DPP6: variants seen among roughly 807,000 people sequenced by gnomAD.
DPP6 encodes A-type potassium channel modulatory protein DPP6.
Under a neutral mutation model 122.6 loss-of-function variants are expected in DPP6, and 69 were observed. The ratio of observed to expected loss-of-function variants is 0.56; its 90% CI spans 0.46 to 0.69. DPP6 has a LOEUF of 0.69. Among genes scored for constraint, DPP6 ranks in the 30% least tolerant of loss-of-function variants. The pLI is 0.00. For missense variants in DPP6, 928 were observed against 1,116.9 expected (o/e 0.83, Z 2.41); for synonymous variants, 418 against 433.1 (o/e 0.97, Z 0.43).
At chr7:154,337,832 G>A (rs1200515151) in intron 1 of DPP6, among the ~76,000 whole-genome samples, 1 of 152,216 alleles carries the variant, frequency 6.6e-6, no homozygotes, top group African/African-American at 2.4e-5. Flanking sequence ...CTCTAAGGTA[G>A]TTGCAGTTTG....
At chr7:154,546,255 AC>A (rs1301913704) in intron 4 of DPP6, among the ~76,000 whole-genome samples, 1 of 152,188 alleles carries the variant, frequency 6.6e-6, no homozygotes, top group Non-Finnish European at 1.5e-5. Context: ...GAAAGTGAAC[AC>A]TGAACTATGA....
chr7:154,489,186 A>G (rs1224418302), intron 3 of DPP6, among the ~76,000 whole-genome samples: 1 of 152,176 alleles, frequency 6.6e-6, no homozygotes, highest in East Asian at 1.9e-4. Context: ...CTTCTATCAC[A>G]GAACTTTTCC....
At chr7:153,886,228 C>G (rs1253245237), upstream of DPP6, among the ~76,000 whole-genome samples, 1 of 152,032 alleles carries the variant, frequency 6.6e-6, no homozygotes, top group Non-Finnish European at 1.5e-5. Context: ...TTTGACCAAC[C>G]TCTGCGCGCG....
chr7:154,387,367 G>A (rs1814211030), intron 1 of DPP6, among the ~76,000 whole-genome samples: 1 of 152,178 alleles, frequency 6.6e-6, no homozygotes, highest in African/African-American at 2.4e-5. Flanking sequence ...AAAGGCCATA[G>A]TTGCTGCAAG....
chr7:154,737,187 G>A (rs757294884), intron 8 of DPP6, among the ~76,000 whole-genome samples: 2 of 152,168 alleles, frequency 1.3e-5, no homozygotes, highest in Non-Finnish European at 2.9e-5. Context: ...TCCATGCCAG[G>A]CCTTACACAA....
At chr7:154,159,127 C>A (rs527558751) in intron 1 of DPP6, among the ~76,000 whole-genome samples, 1 of 152,148 alleles carries the variant, frequency 6.6e-6, no homozygotes, top group Non-Finnish European at 1.5e-5. Context: ...GACTTTCAAC[C>A]TTCCTGCATA....
intron 1 of DPP6, among the ~76,000 whole-genome samples, chr7:154,325,444 T>G (rs1808365632): frequency 6.6e-6 from 1 of 152,220 alleles, no homozygotes. Context: ...CCACAATTCC[T>G]TCTGGGACTG....
intron 10 of DPP6, among the ~76,000 whole-genome samples, chr7:154,793,235 C>T (rs778066026): frequency 1.3e-5 from 2 of 152,162 alleles, no homozygotes; most frequent in South Asian, 2.1e-4. Flanking sequence ...AATGATTGAA[C>T]GCGCATTAGC....
chr7:153,826,460 G>C, the DPP6 span, among the ~76,000 whole-genome samples: 3 of 152,176 alleles, frequency 2.0e-5, no homozygotes, highest in African/African-American at 7.2e-5. Flanking sequence ...TGGTCTCTCT[G>C]TGTCCTTGGG....
chr7:154,662,922 T>G (rs1164843825), intron 6 of DPP6, among the ~76,000 whole-genome samples: 1 of 63,428 alleles, frequency 1.6e-5, no homozygotes, highest in African/African-American at 4.1e-5. Context: ...AGTGTTCATA[T>G]AGTCATGGTG....
At chr7:153,880,870 G>C in the DPP6 span, among the ~76,000 whole-genome samples, 1 of 152,144 alleles carries the variant, frequency 6.6e-6, no homozygotes, top group African/African-American at 2.4e-5. Flanking sequence ...GCGAGATAGA[G>C]ATGAACATAA....
chr7:154,059,184 C>G (rs573201690), intron 1 of DPP6: 1 of 146,638 alleles, frequency 6.8e-6, no homozygotes, highest in Non-Finnish European at 1.5e-5. Flanking sequence ...ATACCCCCAT[C>G]GCAGGGTGGG....
intron 5 of DPP6, among the ~76,000 whole-genome samples, chr7:154,599,681 C>G (rs920840600): frequency 6.6e-6 from 1 of 152,042 alleles, no homozygotes; most frequent in East Asian, 1.9e-4. Context: ...GCCCCCCACC[C>G]CATGACAGGC....
At chr7:154,435,027 G>A (rs1287700148) in intron 1 of DPP6, among the ~76,000 whole-genome samples, 1 of 151,972 alleles carries the variant, frequency 6.6e-6, no homozygotes, top group Admixed American at 6.6e-5. Flanking sequence ...AGTAGAGATA[G>A]TGTTTCACCA....
At chr7:154,868,885 T>C (rs1804121687) in intron 18 of DPP6, among the ~76,000 whole-genome samples, 1 of 152,206 alleles carries the variant, frequency 6.6e-6, no homozygotes, top group Non-Finnish European at 1.5e-5. Flanking sequence ...TCCCCACCTC[T>C]ATGCATAGCA....
At chr7:154,103,385 C>T (rs1035756601) in intron 1 of DPP6, among the ~76,000 whole-genome samples, 4 of 152,148 alleles carry the variant, frequency 2.6e-5, no homozygotes, top group African/African-American at 9.7e-5. Context: ...TAAGCAAGGG[C>T]CTCATTGAGT....
At chr7:154,883,982 A>G (rs62649270) in intron 21 of DPP6, 1 of 101,268 alleles carries the variant, frequency 9.9e-6, no homozygotes, top group African/African-American at 3.8e-5. Context: ...TTACATACAC[A>G]TGCTCACACA....
At chr7:154,619,612 A>C (rs1834506096) in intron 5 of DPP6, among the ~76,000 whole-genome samples, 1 of 152,212 alleles carries the variant, frequency 6.6e-6, no homozygotes, top group South Asian at 2.1e-4. Context: ...AATTTGTGAA[A>C]GAGCCCTGGT....
chr7:154,296,179 T>C (rs1318043049), intron 1 of DPP6, among the ~76,000 whole-genome samples: 1 of 151,942 alleles, frequency 6.6e-6, no homozygotes, highest in Non-Finnish European at 1.5e-5. Flanking sequence ...CTCGTGACCT[T>C]GTGATCCGCC....
Sources: gnomAD v4.1 joint callset for allele counts (sites outside exome capture counted in the v4.1 genomes callset) on GRCh38, gnomAD v4.1.1 for gene constraint, MANE v1.5 for transcripts, NCBI Gene and HGNC (gene_info 2026-07-23, HGNC 2026-07-21) for gene names.